Variants in KIF1A observed in about 807,000 individuals in gnomAD.
The protein encoded by KIF1A is kinesin family member 1A, also known as kinesin-like protein KIF1A.
A neutral mutation model predicts 227.3 loss-of-function variants in KIF1A; 46 were observed. The observed-to-expected ratio is 0.20, with a 90% CI of 0.16 to 0.26. The LOEUF is 0.26. KIF1A is among the 10% of genes least tolerant of loss of function. KIF1A has a pLI of 1.00. For synonymous variants in KIF1A, 1,022 were observed against 1,012.8 expected, an observed-to-expected ratio of 1.01 and a Z score of -0.17; for missense variants, 1,683 against 2,485.9, an observed-to-expected ratio of 0.68 and a Z score of 6.87.
rs2053611041 is a variant in KIF1A at position 240,780,806 on chromosome 2, A to ACACACACACACACAGCTC, written c.882+1783_882+1784insGAGCTGTGTGTGTGTGTG. Among the ~76,000 whole-genome samples the ACACACACACACACAGCTC allele has an allele frequency of 2.3e-4, 20 of 87,082 alleles. 2 individuals are homozygous for ACACACACACACACAGCTC. The highest frequency in any genetic ancestry group is 3.6e-4 in the Non-Finnish European group (17 of 47,802). 57.1% of individuals were successfully genotyped at this position (87,082 alleles called of 152,430 possible). On this transcript the variant is annotated intron_variant, in intron 10 of 48. Coordinates refer to ENST00000498729, the MANE Select transcript of KIF1A (RefSeq NM_001244008.2). ...CACACACACACACAGCTCCACACAC[A>ACACACACACACACAGCTC]CACACACACACACACACACAGCTCC... is the stretch of plus-strand genomic sequence containing the variant.
At chr2:240,745,576 A>G (rs554229406) in intron 31 of KIF1A, 59 bp from the exon 32 acceptor site, 11 of 1,515,198 alleles carry the variant, frequency 7.3e-6, no homozygotes, top group Non-Finnish European at 9.9e-6. Context: ...AGACCTTACC[A>G]GGTGGAACCC....
intron 45 of KIF1A, chr2:240,720,336 G>C (rs960071578): frequency 3.6e-5 from 6 of 164,732 alleles, no homozygotes; most frequent in African/African-American, 1.4e-4. Flanking sequence ...CCTCCCGCAT[G>C]GGCCCCCCAC....
chr2:240,749,583 G>C (rs11689114), intron 28 of KIF1A, among the ~76,000 whole-genome samples: 30,674 of 152,160 alleles, frequency 0.2, 3,251 homozygotes, highest in Middle Eastern at 0.27. Context: ...GCAGGGAAGG[G>C]AGTGGGACCT....
intron 23 of KIF1A, 36 bp from the exon 24 acceptor site, chr2:240,761,413 G>GGCCATGACCCTGCCC (rs748021348): frequency 1.3e-4 from 199 of 1,536,996 alleles, no homozygotes; most frequent in Non-Finnish European, 1.7e-4. Context: ...ATCGCAGGAA[G>GGCCATGACCCTGCCC]GCCATGACCC....
chr2:240,728,615 C>A (rs1575530553), intron 38 of KIF1A, among the ~76,000 whole-genome samples: 1 of 152,224 alleles, frequency 6.6e-6, no homozygotes, highest in Non-Finnish European at 1.5e-5. Flanking sequence ...CCTGCAGACA[C>A]CCCCTTCCCT....
intron 27 of KIF1A, among the ~76,000 whole-genome samples, chr2:240,755,014 G>A (rs913485602): frequency 6.6e-6 from 1 of 152,096 alleles, no homozygotes; most frequent in African/African-American, 2.4e-5. Context: ...TCAGCCTCTC[G>A]CCCTGCTCTC....
At chr2:240,759,577 T>A (rs535976299) in intron 25 of KIF1A, among the ~76,000 whole-genome samples, 5 of 78,714 alleles carry the variant, frequency 6.4e-5, no homozygotes, top group Admixed American at 5.6e-4. Context: ...CTACTCCTAC[T>A]CCTCTCTGCC....
At chr2:240,738,640 C>T (rs1332930536) in intron 37 of KIF1A, among the ~76,000 whole-genome samples, 1 of 152,212 alleles carries the variant, frequency 6.6e-6, no homozygotes, top group Non-Finnish European at 1.5e-5. Context: ...TGAAGGGGAG[C>T]ATTGGGGTTC....
chr2:240,804,093 C>G (rs1455929063), intron 1 of KIF1A, among the ~76,000 whole-genome samples: 1 of 152,110 alleles, frequency 6.6e-6, no homozygotes, highest in East Asian at 1.9e-4. Flanking sequence ...CGGTGAAACC[C>G]CATCTCTACT....
chr2:240,815,266 CTTG>C (rs1239061495), intron 1 of KIF1A, among the ~76,000 whole-genome samples: 1 of 152,198 alleles, frequency 6.6e-6, no homozygotes, highest in Admixed American at 6.5e-5. Context: ...ACCATCCTGG[CTTG>C]AGCTGATGAC....
intron 38 of KIF1A, 143 bp from the exon 39 acceptor site, chr2:240,727,083 C>T (rs1330626783): frequency 2.7e-5 from 15 of 555,930 alleles, no homozygotes; most frequent in Non-Finnish European, 3.9e-5. Flanking sequence ...GCCCGGGCGG[C>T]GGTGCCAGGA....
chr2:240,796,218 A>G (rs2056378390), intron 2 of KIF1A, among the ~76,000 whole-genome samples: 1 of 152,144 alleles, frequency 6.6e-6, no homozygotes, highest in African/African-American at 2.4e-5. Flanking sequence ...CTGAGGTCAC[A>G]TTTCCAGACT....
chr2:240,766,898 C>G lies in KIF1A; in HGVS notation c.1684+17G>C, dbSNP rs574718771. 1.3e-6 allele frequency: 2 copies of G among 1,568,672 alleles called. No individual in the cohort carries two copies. Among genetic ancestry groups the G allele is most frequent in the Admixed American group, 1.7e-5 (1 of 57,154 alleles). On this transcript the variant is annotated intron_variant, in intron 19 of 48. Coordinates refer to ENST00000498729, the MANE Select transcript of KIF1A (RefSeq NM_001244008.2). The surrounding 1 kb of genome is among the most constrained non-coding windows in gnomAD (Gnocchi z 5.0). ...ACAGGGGCATGGGTGCGGGTAGGGA[C>G]GGTAGGGTGGTGATACCTTCGCTGC...
rs1386806561 is a variant in KIF1A at position 240,789,303 on chromosome 2, T to C, written c.116A>G (p.Asn39Ser). ...QMSGSTTTIVNPKQPKETPKS... is the reference protein window; with the variant it reads ...QMSGSTTTIVSPKQPKETPKS... ...GGGCGTCTCCTTGGGCTGTTTGGGG[T>C]TAACAATGGCTGTGGGAGGGAACAC... The change falls in exon 3 of 49, where the codon AAC becomes AGC. Residue 39 changes from asparagine (N) to serine (S), a missense_variant. Coordinates refer to ENST00000498729, the MANE Select transcript of KIF1A (RefSeq NM_001244008.2). This position sits in a 1 kb window ranked among gnomAD's most constrained non-coding sequence, Gnocchi z 4.8. The C allele has an allele frequency of 1.2e-6, 2 of 1,613,638 alleles. No homozygotes were observed. The highest frequency in any genetic ancestry group is 8.5e-7 in the Non-Finnish European group (1 of 1,179,646).
At chr2:240,735,235 G>T (rs926768837) in intron 38 of KIF1A, among the ~76,000 whole-genome samples, 1 of 152,196 alleles carries the variant, frequency 6.6e-6, no homozygotes, top group Admixed American at 6.5e-5. Flanking sequence ...TCCTTTCTCA[G>T]ACCCAGGGCC....
At chr2:240,718,956 T>G in intron 47 of KIF1A, 50 bp downstream of exon 47, 1 of 1,481,466 alleles carries the variant, frequency 6.8e-7, no homozygotes, top group Non-Finnish European at 9.4e-7. Context: ...GCTCAGCTCC[T>G]GCCCTGCTAG....
chr2:240,760,628 C>T, intron 25 of KIF1A, 37 bp downstream of exon 25: 2 of 1,424,102 alleles, frequency 1.4e-6, no homozygotes, highest in Non-Finnish European at 1.8e-6. Flanking sequence ...CCCAGGAGGA[C>T]CCTCCCACCA....
rs1267776866 is a variant in KIF1A, at chr2:240,752,021, G to A, written c.2859-1474C>T. On this transcript the variant is annotated intron_variant, in intron 27 of 48. Transcript: ENST00000498729. The surrounding 1 kb of genome is among the most constrained non-coding windows in gnomAD (Gnocchi z 6.4). The stretch of plus-strand genomic sequence containing the variant: ...CTGAGACCTCACCAACGCCCTCACT[G>A]CAAAATGGCCCAGGCTCGCAACAGG... 1.3e-5 allele frequency among the ~76,000 whole-genome samples: 2 copies of A among 152,022 alleles called. No homozygotes were observed. Among genetic ancestry groups the A allele is most frequent in the Non-Finnish European group, 2.9e-5 (2 of 68,012 alleles).
chr2:240,721,813 C>A lies in KIF1A; in HGVS notation c.4737G>T (p.Glu1579Asp). 1 of 1,604,418 alleles carries A rather than the reference C, an allele frequency of 6.2e-7. No individual in the cohort carries two copies. The highest frequency in any genetic ancestry group is 8.5e-7 in the Non-Finnish European group (1 of 1,178,872). The change falls in exon 44 of 49, where the codon GAG becomes GAT. Residue 1579 changes from glutamate to aspartate, a missense_variant. Glu to Asp is a conservative substitution (Grantham distance 45). Around this residue, in one of 12 missense-constraint regions of KIF1A, gnomAD observed 384 missense variants for 410.1 expected, o/e 0.94. Transcript: ENST00000498729. ...GCAGCCCCTCTGCACCCACCTTGCTCTCGCTGGCACTGACGCAGACGTGGC... is the reference window on the plus strand; with the variant it reads ...GCAGCCCCTCTGCACCCACCTTGCTATCGCTGGCACTGACGCAGACGTGGC... ...THSHVCVSAS[E>D]SKLSEMSVTL... is the part of the protein sequence containing the mutation.
Sources: gnomAD v4.1 joint callset for allele counts (sites outside exome capture counted in the v4.1 genomes callset) on GRCh38, gnomAD v4.1.1 for gene constraint, gnomAD v4.1.1 regional missense constraint, Gnocchi (gnomAD v3.1) non-coding constraint, MANE v1.5 for transcripts, NCBI Gene and HGNC (gene_info 2026-07-23, HGNC 2026-07-21) for gene names.